ADAM10: variants seen among roughly 807,000 people sequenced by gnomAD.
ADAM10 encodes ADAM metallopeptidase domain 10, also known as disintegrin and metalloproteinase domain-containing protein 10.
ADAM10 carries 17 observed loss-of-function variants against 90.1 expected under a neutral mutation model. That is an observed-to-expected ratio of 0.19 (90% CI 0.13 to 0.28). The LOEUF is 0.28. Ranked by LOEUF, ADAM10 falls within the 10% of genes least tolerant of loss-of-function variation. The pLI, the probability that ADAM10 is intolerant of heterozygous loss-of-function variation, is 1.00. For synonymous variants in ADAM10, 310 were observed against 298.6 expected (o/e 1.04, Z -0.40); for missense variants, 610 against 914.3 (o/e 0.67, Z 4.29).
At chr15:58,607,688 C>CA (rs1895315583) in intron 14 of ADAM10, among the ~76,000 whole-genome samples, 1 of 151,908 alleles carries the variant, frequency 6.6e-6, no homozygotes, top group African/African-American at 2.4e-5. Flanking sequence ...ATTAGCAATA[C>CA]AAAAATACAA....
chr15:58,726,076 AAC>A (rs1477710966), intron 1 of ADAM10, among the ~76,000 whole-genome samples: 2 of 152,186 alleles, frequency 1.3e-5, no homozygotes, highest in South Asian at 2.1e-4. Context: ...ACATTTTTTA[AAC>A]ACACAATCTA....
At chr15:58,719,673 C>A (rs1261795317) in intron 1 of ADAM10, among the ~76,000 whole-genome samples, 2 of 152,062 alleles carry the variant, frequency 1.3e-5, no homozygotes, top group Non-Finnish European at 2.9e-5. Context: ...GAAGTGTATA[C>A]TTAGAAGTGG....
At chr15:58,639,653 T>C (rs922678754) in intron 8 of ADAM10, among the ~76,000 whole-genome samples, 2 of 152,138 alleles carry the variant, frequency 1.3e-5, no homozygotes, top group Non-Finnish European at 2.9e-5. Context: ...GACATAAACT[T>C]ATACTTTAAA....
At chr15:58,616,370 C>A (rs1895615083) in intron 11 of ADAM10, among the ~76,000 whole-genome samples, 4 of 152,154 alleles carry the variant, frequency 2.6e-5, no homozygotes, top group Non-Finnish European at 2.9e-5. Context: ...CAGGATAGAC[C>A]ACATATTAGG....
At chr15:58,674,097 T>G (rs1474113199) in intron 4 of ADAM10, among the ~76,000 whole-genome samples, 1 of 152,166 alleles carries the variant, frequency 6.6e-6, no homozygotes, top group Non-Finnish European at 1.5e-5. Flanking sequence ...TCTAATTAAA[T>G]ATTATTCTTA....
intron 9 of ADAM10, among the ~76,000 whole-genome samples, chr15:58,628,505 T>A (rs561750176): frequency 6.6e-6 from 1 of 152,334 alleles, no homozygotes; most frequent in Non-Finnish European, 1.5e-5. Flanking sequence ...TGTGTACACG[T>A]AACATATAAA....
At chr15:58,686,413 G>A (rs1897604236) in intron 2 of ADAM10, 3 of 1,262,022 alleles carry the variant, frequency 2.4e-6, no homozygotes, top group Admixed American at 2.0e-5. Flanking sequence ...CCGCCACCAT[G>A]TCCTCTGGGG....
intron 5 of ADAM10, among the ~76,000 whole-genome samples, chr15:58,647,581 C>G (rs900224442): frequency 4.1e-4 from 63 of 151,992 alleles, no homozygotes; most frequent in African/African-American, 1.5e-3. Context: ...GAGAGTCTCA[C>G]TCTGTTACCC....
chr15:58,610,980 G>T lies in ADAM10; in HGVS notation c.1804+19C>A. 1.3e-6 allele frequency: 2 copies of T among 1,571,132 alleles called. No individual in the cohort carries two copies. The highest frequency in any genetic ancestry group is 1.8e-6 in the Non-Finnish European group (2 of 1,140,946). ...AGTTTGAGGCAAATTTTATACTCTT[G>T]TGTTTTTAAAAGCCTTACTTTTCTT... On this transcript the variant is annotated intron_variant, in intron 13 of 15. Coordinates refer to ENST00000260408, the MANE Select transcript of ADAM10 (RefSeq NM_001110.4).
At chr15:58,709,907 T>C (rs931411341) in intron 2 of ADAM10, among the ~76,000 whole-genome samples, 1 of 151,936 alleles carries the variant, frequency 6.6e-6, no homozygotes, top group Non-Finnish European at 1.5e-5. Flanking sequence ...AGGGAGAAAG[T>C]TGAGTTTATA....
rs116075913 is a variant in ADAM10, at chr15:58,634,786, T to C, written c.1013-1427A>G. On this transcript the variant is annotated intron_variant, in intron 8 of 15. Transcript: ENST00000260408. ...GATAACTGCTCTAATTAGCTTTCTA[T>C]AGACAAGTTACAACAAAGTTACTAA... Among the ~76,000 whole-genome samples the C allele has an allele frequency of 9.1e-3, 1,390 of 152,296 alleles. 27 individuals are homozygous for C. Among genetic ancestry groups the C allele is most frequent in the African/African-American group, 0.032 (1,332 of 41,568 alleles).
At chr15:58,651,982 C>A (rs1896699587) in intron 5 of ADAM10, among the ~76,000 whole-genome samples, 1 of 152,144 alleles carries the variant, frequency 6.6e-6, no homozygotes, top group African/African-American at 2.4e-5. Flanking sequence ...TTTTTATTTG[C>A]ATTTCTCCAA....
At chr15:58,626,930 C>A (rs1453281649) in intron 10 of ADAM10, among the ~76,000 whole-genome samples, 1 of 152,082 alleles carries the variant, frequency 6.6e-6, no homozygotes, top group Non-Finnish European at 1.5e-5. Flanking sequence ...ATTAATGTCA[C>A]AGAACTGTAC....
intron 6 of ADAM10, among the ~76,000 whole-genome samples, chr15:58,644,424 T>C (rs1312712054): frequency 6.6e-6 from 1 of 152,116 alleles, no homozygotes; most frequent in Non-Finnish European, 1.5e-5. Context: ...AAGACAGGTT[T>C]CACTATCTTG....
intron 10 of ADAM10, among the ~76,000 whole-genome samples, chr15:58,625,002 T>C (rs1434463957): frequency 6.6e-6 from 1 of 152,188 alleles, no homozygotes; most frequent in East Asian, 1.9e-4. Flanking sequence ...AGAATCTTAA[T>C]GTACCTGTAC....
chr15:58,696,478 TTC>T lies in ADAM10; in HGVS notation c.207-14166_207-14165del, dbSNP rs1305329017. On this transcript the variant is annotated intron_variant, in intron 2 of 15. Transcript: ENST00000260408. ...TTTTTCTTTCTTTCTTTTTTTTTTT[TTC>T]CCAAGATGAGTCTCACTCTCTCTCG... Among the ~76,000 whole-genome samples, 23 of 150,668 alleles carry T rather than the reference TTC, an allele frequency of 1.5e-4. 1 individual carries two copies. Among genetic ancestry groups the T allele is most frequent in the South Asian group, 6.3e-4 (3 of 4,746 alleles).
chr15:58,688,462 TA>T (rs1210070390), intron 2 of ADAM10, among the ~76,000 whole-genome samples: 1 of 136,696 alleles, frequency 7.3e-6, no homozygotes, highest in South Asian at 2.3e-4. Flanking sequence ...AAACAAGGGG[TA>T]AAAAAACCAA....
intron 1 of ADAM10, among the ~76,000 whole-genome samples, chr15:58,728,201 T>A (rs897226049): frequency 1.5e-4 from 23 of 152,142 alleles, no homozygotes; most frequent in African/African-American, 4.8e-4. Flanking sequence ...TCCCCAAATA[T>A]TAGGAATTTA....
intron 4 of ADAM10, among the ~76,000 whole-genome samples, chr15:58,677,667 GA>G (rs538269573): frequency 1.4e-3 from 212 of 152,258 alleles, no homozygotes; most frequent in Non-Finnish European, 2.3e-3. Context: ...AAGCAATGGA[GA>G]AAGTATAATT....
Sources: allele counts gnomAD v4.1 joint callset (sites outside exome capture counted in the v4.1 genomes callset), GRCh38; gene constraint gnomAD v4.1.1; transcripts MANE v1.5; gene names NCBI Gene and HGNC (gene_info 2026-07-23, HGNC 2026-07-21).